ATP12A: variants seen among roughly 807,000 people sequenced by gnomAD.
ATP12A encodes potassium-transporting ATPase alpha chain 2.
In ATP12A, 81 loss-of-function variants were observed where a neutral mutation model predicts 111.2. That is an observed-to-expected ratio of 0.73 (90% CI 0.61 to 0.88). The LOEUF (loss-of-function observed/expected upper bound fraction) is 0.88, where lower values mean the gene tolerates loss of function less well. Among genes scored for constraint, ATP12A ranks in the 40% least tolerant of loss-of-function variants. ATP12A has a pLI of 0.00. For missense variants in ATP12A, 1,196 were observed against 1,313.1 expected (o/e 0.91, Z 1.38); for synonymous variants, 498 against 499.8 (o/e 1.00, Z 0.05).
intron 11 of ATP12A, among the ~76,000 whole-genome samples, chr13:24,696,364 C>T (rs34073732): frequency 6.6e-6 from 1 of 151,846 alleles, no homozygotes; most frequent in Non-Finnish European, 1.5e-5. Flanking sequence ...TCCATGAGGC[C>T]TCATGTACAA....
At chr13:24,684,933 C>G (rs1874616482) in intron 2 of ATP12A, among the ~76,000 whole-genome samples, 1 of 152,214 alleles carries the variant, frequency 6.6e-6, no homozygotes, top group Non-Finnish European at 1.5e-5. Flanking sequence ...GCCATCAGCC[C>G]CAGCCAATCC....
intron 5 of ATP12A, 152 bp from the exon 6 acceptor site, chr13:24,690,186 C>A (rs543815808): frequency 8.4e-7 from 1 of 1,188,978 alleles, no homozygotes; most frequent in Non-Finnish European, 1.2e-6. Context: ...GTCCACAGGG[C>A]CAGGTGCAGG....
Position 24,691,187 on chromosome 13 carries a change from C to T in ATP12A, c.1005C>T (p.Ser335=). 1.2e-6 allele frequency: 2 copies of T among 1,614,152 alleles called. No individual in the cohort carries two copies. The highest frequency in any genetic ancestry group is 1.7e-6 in the Non-Finnish European group (2 of 1,180,008). ...AVSLKYQVLD[S]IIFLIGIIVA... is the part of the protein sequence containing the mutation. ...CCCTGAAGTATCAAGTCCTGGACTC[C>T]ATCATCTTCCTCATTGGCATCATTG... The change falls in exon 8 of 23, where the codon TCC becomes TCT. Residue 335 remains serine, a synonymous_variant. Coordinates refer to ENST00000381946, the MANE Select transcript of ATP12A (RefSeq NM_001676.7).
chr13:24,690,369 AG>A lies in ATP12A; in HGVS notation c.579del (p.Thr194ProfsTer135). 3.1e-6 allele frequency: 5 copies of A among 1,613,218 alleles called. No homozygotes were observed. The highest frequency in any genetic ancestry group is 4.2e-6 in the Non-Finnish European group (5 of 1,179,846). On this transcript the variant is annotated frameshift_variant, in exon 6 of 23. Coordinates refer to ENST00000381946, the MANE Select transcript of ATP12A (RefSeq NM_001676.7). LOFTEE classifies it high-confidence loss of function. ...QALVIRDSEKKTIPSEQLVVG... is the reference protein window; with the variant it reads ...QALVIRDSEKXTIPSEQLVVG... ...CTCGTCATCCGAGATTCCGAGAAGA[AG>A]ACCATCCCTTCAGAGCAGCTGGTGG...
intron 12 of ATP12A, among the ~76,000 whole-genome samples, chr13:24,699,341 G>C (rs1875299120): frequency 6.6e-6 from 1 of 152,154 alleles, no homozygotes; most frequent in African/African-American, 2.4e-5. Flanking sequence ...TGCCACTAGA[G>C]TGAGCTGGGC....
chr13:24,684,419 A>G (rs1310579039), intron 2 of ATP12A, among the ~76,000 whole-genome samples: 2 of 152,204 alleles, frequency 1.3e-5, no homozygotes, highest in Non-Finnish European at 2.9e-5. Context: ...ACCAGTCAAC[A>G]GTATCAATCT....
chr13:24,688,539 T>A lies in ATP12A; in HGVS notation c.432+17T>A. On this transcript the variant is annotated intron_variant, in intron 4 of 22. Coordinates refer to ENST00000381946, the MANE Select transcript of ATP12A (RefSeq NM_001676.7). Reference sequence around the variant, plus strand: ...CTGAACAACGTAAGGCTCTGGGGTGTCCCCTCCTGGTTTTGCTGGCAGAGC... The same window carrying A: ...CTGAACAACGTAAGGCTCTGGGGTGACCCCTCCTGGTTTTGCTGGCAGAGC... The A allele has an allele frequency of 6.7e-7, 1 of 1,498,922 alleles. No individual in the cohort carries two copies. Among genetic ancestry groups the A allele is most frequent in the South Asian group, 1.5e-5 (1 of 68,716 alleles). The allele number at this position is 1,498,922 out of a possible 1,614,324, so 92.9% of individuals were successfully genotyped here. A position where few individuals can be genotyped will look rare whatever the true frequency, so the allele number is the denominator to read the frequency against.
intron 5 of ATP12A, 120 bp downstream of exon 5, chr13:24,689,495 C>T (rs1021485451): frequency 2.4e-6 from 2 of 828,396 alleles, no homozygotes; most frequent in East Asian, 2.5e-5. Flanking sequence ...TCGGAGCAAT[C>T]GTGGGCGAAT....
At chr13:24,681,098 GC>G (rs1170996861) in intron 1 of ATP12A, among the ~76,000 whole-genome samples, 1 of 152,172 alleles carries the variant, frequency 6.6e-6, no homozygotes, top group Non-Finnish European at 1.5e-5. Context: ...TCCGGTTAGG[GC>G]CCCCTGATCA....
At position 24,691,178 on chromosome 13, in the gene ATP12A, C is replaced by T. The variant is rs1874888238; in HGVS notation, c.996C>T (p.Val332=). The T allele has an allele frequency of 1.9e-6, 3 of 1,614,148 alleles. No homozygotes were observed. In the South Asian group the frequency reaches 3.3e-5, roughly 18 times the overall value. The part of the protein sequence containing the change: ...FIIAVSLKYQ[V]LDSIIFLIGI... Reference sequence around the variant, plus strand: ...TCGCTGTGTCCCTGAAGTATCAAGTCCTGGACTCCATCATCTTCCTCATTG... The same window carrying T: ...TCGCTGTGTCCCTGAAGTATCAAGTTCTGGACTCCATCATCTTCCTCATTG... The change falls in exon 8 of 23, where the codon GTC becomes GTT. Residue 332 remains valine (V), a synonymous_variant. Transcript: ENST00000381946.
At position 24,699,880 on chromosome 13, in the gene ATP12A, G is replaced by A. The variant is rs12871387; in HGVS notation, c.1706-867G>A. Reference sequence around the variant, plus strand: ...GTCCTCACCAATACAGATGCAGTCTGTGGAATGTGTGTTTCTAAAGGCTAT... The same window carrying A: ...GTCCTCACCAATACAGATGCAGTCTATGGAATGTGTGTTTCTAAAGGCTAT... On this transcript the variant is annotated intron_variant, in intron 12 of 22. Coordinates refer to ENST00000381946, the MANE Select transcript of ATP12A (RefSeq NM_001676.7). Among the ~76,000 whole-genome samples, 886 of 152,350 alleles carry A rather than the reference G, an allele frequency of 5.8e-3. 6 individuals carry two copies. The highest frequency in any genetic ancestry group is 9.5e-3 in the Non-Finnish European group (644 of 68,038).
intron 14 of ATP12A, among the ~76,000 whole-genome samples, chr13:24,705,590 G>A (rs1875591211): frequency 6.6e-6 from 1 of 152,140 alleles, no homozygotes; most frequent in South Asian, 2.1e-4. Flanking sequence ...AATACCCAAC[G>A]GCAAGTAATT....
chr13:24,682,526 G>A (rs1327696113), intron 2 of ATP12A, among the ~76,000 whole-genome samples: 1 of 152,132 alleles, frequency 6.6e-6, no homozygotes, highest in Non-Finnish European at 1.5e-5. Flanking sequence ...TCTGATTCCA[G>A]GCCCCACAGG....
chr13:24,691,012 G>A lies in ATP12A; in HGVS notation c.830G>A (p.Gly277Asp). ...GTCACCGGCATGGTTATCAACACGG[G>A]TGACCGCACCATCATTGGCCATATT... ...GTVTGMVINT[G>D]DRTIIGHIAS... The change falls in exon 8 of 23, where the codon GGT becomes GAT. Residue 277 changes from glycine to aspartate, a missense_variant. Gly to Asp is a moderately conservative substitution (Grantham distance 94). Coordinates refer to ENST00000381946, the MANE Select transcript of ATP12A (RefSeq NM_001676.7). 1.9e-6 allele frequency: 3 copies of A among 1,614,214 alleles called. No homozygotes were observed. The highest frequency in any genetic ancestry group is 2.5e-6 in the Non-Finnish European group (3 of 1,180,034).
At position 24,702,044 on chromosome 13, in the gene ATP12A, A is replaced by G; in HGVS notation, c.1991A>G (p.Asn664Ser). The G allele has an allele frequency of 6.2e-7, 1 of 1,614,256 alleles. No individual in the cohort carries two copies. The highest frequency in any genetic ancestry group is 8.5e-7 in the Non-Finnish European group (1 of 1,180,046). ...GTGGAAGACATTGCACATCGCCTCA[A>G]CATTGCTGTGGAGCAAGTTAACAAA... Reference protein sequence around the residue: ...ETVEDIAHRLNIAVEQVNKRD... With the variant: ...ETVEDIAHRLSIAVEQVNKRD... The change falls in exon 14 of 23, where the codon AAC (asparagine) becomes AGC (serine). Residue 664 changes from asparagine (N) to serine (S), a missense_variant. Asn to Ser is a conservative substitution (Grantham distance 46, BLOSUM62 1). Transcript: ENST00000381946.
At chr13:24,711,242 G>A in intron 21 of ATP12A, 76 bp from the exon 22 acceptor site, 1 of 1,325,004 alleles carries the variant, frequency 7.5e-7, no homozygotes, top group Non-Finnish European at 1.1e-6. Flanking sequence ...TGAACGAGAA[G>A]CCCCATTCCC....
intron 15 of ATP12A, 132 bp downstream of exon 15, chr13:24,706,595 A>C: frequency 7.5e-7 from 1 of 1,325,248 alleles, no homozygotes. Flanking sequence ...CATCCCCATC[A>C]CCTGACCTCT....
chr13:24,681,996 GTGT>G (rs1365767597), intron 2 of ATP12A, among the ~76,000 whole-genome samples: 1 of 121,128 alleles, frequency 8.3e-6, no homozygotes, highest in Non-Finnish European at 1.7e-5. Context: ...TGTGTATGGT[GTGT>G]GGTGTGTGTA....
chr13:24,682,871 A>G (rs1301738746), intron 2 of ATP12A, among the ~76,000 whole-genome samples: 1 of 152,100 alleles, frequency 6.6e-6, no homozygotes, highest in African/African-American at 2.4e-5. Context: ...AGGGGAAAAA[A>G]TGAGATGAGG....
Sources: allele counts gnomAD v4.1 joint callset (sites outside exome capture counted in the v4.1 genomes callset), GRCh38; gene constraint gnomAD v4.1.1; transcripts MANE v1.5; gene names NCBI Gene and HGNC (gene_info 2026-07-23, HGNC 2026-07-21).